ZFPM2: variants seen among roughly 807,000 people sequenced by gnomAD.
ZFPM2 encodes zinc finger protein, FOG family member 2, also known as zinc finger protein ZFPM2.
ZFPM2 carries 20 observed loss-of-function variants against 98.6 expected under a neutral mutation model. The observed-to-expected ratio is 0.20, with a 90% CI of 0.14 to 0.29. The LOEUF (loss-of-function observed/expected upper bound fraction) is 0.29, where lower values mean the gene tolerates loss of function less well. ZFPM2 is among the 10% of genes least tolerant of loss of function. The probability of loss-of-function intolerance (pLI) is 1.00; values close to 1 mark genes in which losing one functional copy is unlikely to be tolerated. For missense variants in ZFPM2, 1,310 were observed against 1,388.6 expected, an observed-to-expected ratio of 0.94 and a Z score of 0.90; for synonymous variants, 518 against 502.7, an observed-to-expected ratio of 1.03 and a Z score of -0.41.
chr8:105,330,563 T>C (rs1453017012), intron 1 of ZFPM2, among the ~76,000 whole-genome samples: 5 of 75,308 alleles, frequency 6.6e-5, no homozygotes, highest in Admixed American at 1.9e-4. Context: ...CATATATATA[T>C]ATATACATAT....
chr8:105,712,439 A>AT (rs1469246396), intron 5 of ZFPM2, among the ~76,000 whole-genome samples: 2 of 152,048 alleles, frequency 1.3e-5, no homozygotes, highest in African/African-American at 4.8e-5. Context: ...GGTAGACAGT[A>AT]TTACCTCAAT....
chr8:105,333,458 C>T (rs912210839), intron 1 of ZFPM2, among the ~76,000 whole-genome samples: 35 of 151,832 alleles, frequency 2.3e-4, no homozygotes, highest in African/African-American at 7.7e-4. Context: ...TTATAGCTGC[C>T]TATCGAGAGG....
At chr8:105,750,347 T>G (rs1398720507) in intron 5 of ZFPM2, among the ~76,000 whole-genome samples, 1 of 152,088 alleles carries the variant, frequency 6.6e-6, no homozygotes, top group Non-Finnish European at 1.5e-5. Flanking sequence ...TAATTGTATG[T>G]GTATTTTATC....
intron 5 of ZFPM2, among the ~76,000 whole-genome samples, chr8:105,668,746 G>C (rs1296129148): frequency 6.6e-6 from 1 of 152,092 alleles, no homozygotes; most frequent in Non-Finnish European, 1.5e-5. Context: ...AGAATGTGTT[G>C]TTTCATTTTC....
intron 1 of ZFPM2, among the ~76,000 whole-genome samples, chr8:105,380,476 C>A (rs1457656304): frequency 6.8e-6 from 1 of 146,628 alleles, no homozygotes; most frequent in East Asian, 2.0e-4. Flanking sequence ...ACATAAGGAC[C>A]CTAGGTGATC....
chr8:105,500,943 T>A (rs1813580614), intron 3 of ZFPM2, among the ~76,000 whole-genome samples: 1 of 152,142 alleles, frequency 6.6e-6, no homozygotes, highest in Non-Finnish European at 1.5e-5. Context: ...CAAAATTAGT[T>A]AAGCATCTGT....
intron 5 of ZFPM2, among the ~76,000 whole-genome samples, chr8:105,692,278 ATCTC>A (rs1196806572): frequency 1.3e-5 from 2 of 152,158 alleles, no homozygotes; most frequent in Non-Finnish European, 1.5e-5. Context: ...ACACCTATTA[ATCTC>A]TCTTTTTATA....
chr8:105,454,727 C>T (rs901633664), intron 3 of ZFPM2, among the ~76,000 whole-genome samples: 6 of 152,112 alleles, frequency 3.9e-5, no homozygotes, highest in African/African-American at 1.4e-4. Context: ...GTCTTCCCTT[C>T]GTCCACTATT....
intron 3 of ZFPM2, among the ~76,000 whole-genome samples, chr8:105,537,558 C>T (rs1307320620): frequency 6.6e-6 from 1 of 152,074 alleles, no homozygotes; most frequent in Non-Finnish European, 1.5e-5. Flanking sequence ...TGGCATGTGC[C>T]TGTAGTCTCA....
At chr8:105,364,546 C>A (rs2129778325) in intron 1 of ZFPM2, among the ~76,000 whole-genome samples, 1 of 151,864 alleles carries the variant, frequency 6.6e-6, no homozygotes, top group South Asian at 2.1e-4. Context: ...AACCCTATTT[C>A]ATTGTAACTA....
At chr8:105,730,776 CTTTTTTTTTT>C (rs201573898) in intron 5 of ZFPM2, among the ~76,000 whole-genome samples, 1 of 124,390 alleles carries the variant, frequency 8.0e-6, no homozygotes. Flanking sequence ...TTTCTTTTTT[CTTTTTTTTTT>C]TTTTTTTTTT....
intron 1 of ZFPM2, among the ~76,000 whole-genome samples, chr8:105,361,994 A>C (rs1310256079): frequency 6.6e-6 from 1 of 152,130 alleles, no homozygotes; most frequent in Non-Finnish European, 1.5e-5. Flanking sequence ...TTACATAACA[A>C]TGAAATCACC....
intron 4 of ZFPM2, among the ~76,000 whole-genome samples, chr8:105,562,569 A>G (rs757591972): frequency 6.6e-6 from 1 of 152,094 alleles, no homozygotes; most frequent in Admixed American, 6.6e-5. Flanking sequence ...CGGATGCTTT[A>G]TAGGAGAATC....
At chr8:105,663,352 T>C (rs1202812998) in intron 5 of ZFPM2, among the ~76,000 whole-genome samples, 2 of 152,196 alleles carry the variant, frequency 1.3e-5, no homozygotes, top group Admixed American at 1.3e-4. Context: ...TTTGTTTTAT[T>C]CACAGAATTG....
At chr8:105,411,839 G>C (rs1811583780) in intron 1 of ZFPM2, among the ~76,000 whole-genome samples, 1 of 151,726 alleles carries the variant, frequency 6.6e-6, no homozygotes, top group Non-Finnish European at 1.5e-5. Context: ...CTTCCTGAGA[G>C]TAAATTAGTC....
At chr8:105,392,416 A>G (rs1288565297) in intron 1 of ZFPM2, among the ~76,000 whole-genome samples, 2 of 152,192 alleles carry the variant, frequency 1.3e-5, no homozygotes, top group East Asian at 3.8e-4. Context: ...AATGGGAAAT[A>G]CTTGCAGTGT....
At chr8:105,438,653 T>C (rs1034984987) in intron 2 of ZFPM2, among the ~76,000 whole-genome samples, 3 of 152,184 alleles carry the variant, frequency 2.0e-5, no homozygotes, top group Non-Finnish European at 4.4e-5. Context: ...GACATGAGTG[T>C]TGTTATGGAA....
chr8:105,441,737 A>C lies in ZFPM2; in HGVS notation c.200-2543A>C, dbSNP rs141815304. On this transcript the variant is annotated intron_variant, in intron 2 of 7. Coordinates refer to ENST00000407775, the MANE Select transcript of ZFPM2 (RefSeq NM_012082.4). ...ACATGTATGTAGGGGTGATATTCAAAGACTACTGGTATGGCCTGGGATCTG... is the reference window on the plus strand; with the variant it reads ...ACATGTATGTAGGGGTGATATTCAACGACTACTGGTATGGCCTGGGATCTG... Among the ~76,000 whole-genome samples the C allele has an allele frequency of 1.2e-3, 178 of 152,250 alleles. 5 individuals carry two copies. In the East Asian group the frequency reaches 0.023, roughly 20 times the overall value.
intron 4 of ZFPM2, among the ~76,000 whole-genome samples, chr8:105,628,728 G>A (rs1816703951): frequency 6.6e-6 from 1 of 151,974 alleles, no homozygotes; most frequent in Admixed American, 6.6e-5. Flanking sequence ...CCCCTTTTCA[G>A]CTCCCCTTCC....
Sources: allele counts gnomAD v4.1 joint callset (sites outside exome capture counted in the v4.1 genomes callset), GRCh38; gene constraint gnomAD v4.1.1; transcripts MANE v1.5; gene names NCBI Gene and HGNC (gene_info 2026-07-23, HGNC 2026-07-21).